FRMPD2: variants seen among roughly 807,000 people sequenced by gnomAD.
FRMPD2 encodes FERM and PDZ domain containing 2, also known as FERM and PDZ domain-containing protein 2.
Under a neutral mutation model 140.1 loss-of-function variants are expected in FRMPD2, and 96 were observed. The observed-to-expected ratio is 0.69, with a 90% CI of 0.58 to 0.81. FRMPD2 has a LOEUF of 0.81. Among genes scored for constraint, FRMPD2 ranks in the 40% least tolerant of loss-of-function variants. FRMPD2 has a pLI of 0.00. For synonymous variants in FRMPD2, 449 were observed against 547.6 expected, an observed-to-expected ratio of 0.82 and a Z score of 2.52; for missense variants, 1,240 against 1,447.4, an observed-to-expected ratio of 0.86 and a Z score of 2.32.
At chr10:48,206,717 G>A (rs184680354) in intron 14 of FRMPD2, 31 bp downstream of exon 14, 1 of 1,578,412 alleles carries the variant, frequency 6.3e-7, no homozygotes, top group Admixed American at 1.7e-5. Context: ...AAAATGAAGT[G>A]CAGGTTATTT....
intron 12 of FRMPD2, among the ~76,000 whole-genome samples, chr10:48,214,970 C>T (rs892455356): frequency 1.2e-4 from 18 of 152,178 alleles, no homozygotes; most frequent in African/African-American, 4.1e-4. Flanking sequence ...GTAAAAACCC[C>T]CGCATGTGAT....
chr10:48,168,585 T>C lies in FRMPD2; in HGVS notation c.3537+10A>G, dbSNP rs782602289. The C allele has an allele frequency of 2.9e-6, 3 of 1,042,932 alleles. 1 individual carries two copies. Among genetic ancestry groups the C allele is most frequent in the Non-Finnish European group, 4.2e-6 (3 of 721,648 alleles). The allele number at this position is 1,042,932 out of a possible 1,614,324, so 64.6% of individuals were successfully genotyped here. A position where few individuals can be genotyped will look rare whatever the true frequency, so the allele number is the denominator to read the frequency against. ...GCCAGGTAGAGAGAGTAGAAGACAC[T>C]GCAGCCTACCTGCCATTCCTGCTCC... On this transcript the variant is annotated intron_variant, in intron 27 of 28. Coordinates refer to ENST00000374201, the MANE Select transcript of FRMPD2 (RefSeq NM_001018071.4).
chr10:48,226,619 C>T (rs1270105102), intron 10 of FRMPD2, among the ~76,000 whole-genome samples: 1 of 152,208 alleles, frequency 6.6e-6, no homozygotes, highest in Non-Finnish European at 1.5e-5. Context: ...AGTCATCCTC[C>T]CTCTCCTGGA....
chr10:48,174,519 C>G (rs1409685802), intron 24 of FRMPD2, among the ~76,000 whole-genome samples: 1 of 151,934 alleles, frequency 6.6e-6, no homozygotes, highest in Non-Finnish European at 1.5e-5. Flanking sequence ...CCCATGGACA[C>G]AGGGCCAGCG....
intron 3 of FRMPD2, among the ~76,000 whole-genome samples, chr10:48,247,116 A>G (rs1159777339): frequency 1.3e-5 from 2 of 152,168 alleles, no homozygotes; most frequent in Non-Finnish European, 2.9e-5. Context: ...AACTCAACCT[A>G]TTAGTCTTGA....
intron 5 of FRMPD2, 44 bp from the exon 6 acceptor site, chr10:48,240,536 G>C: frequency 6.2e-7 from 1 of 1,609,450 alleles, no homozygotes. Flanking sequence ...AAGATAAGGA[G>C]GGGGCGTTTT....
chr10:48,183,358 C>A (rs183654677), intron 20 of FRMPD2, among the ~76,000 whole-genome samples: 190 of 152,288 alleles, frequency 1.2e-3, no homozygotes, highest in African/African-American at 4.5e-3. Context: ...GGATGTTAGC[C>A]TACTCCCATT....
intron 13 of FRMPD2, among the ~76,000 whole-genome samples, chr10:48,210,797 T>C (rs1355174757): frequency 6.6e-6 from 1 of 152,238 alleles, no homozygotes; most frequent in Non-Finnish European, 1.5e-5. Context: ...CCCAACCTCA[T>C]GTTGGCTGTT....
At chr10:48,171,617 T>A (rs1292491408) in intron 25 of FRMPD2, among the ~76,000 whole-genome samples, 4 of 152,282 alleles carry the variant, frequency 2.6e-5, no homozygotes, top group Non-Finnish European at 5.9e-5. Flanking sequence ...TATTTTTTAT[T>A]CTTCTTACGA....
At chr10:48,189,063 G>A (rs1248619396) in intron 16 of FRMPD2, among the ~76,000 whole-genome samples, 1 of 152,180 alleles carries the variant, frequency 6.6e-6, no homozygotes, top group Non-Finnish European at 1.5e-5. Context: ...CTGACAAGTG[G>A]TTAGGATGGT....
chr10:48,243,969 A>T (rs892960206), intron 4 of FRMPD2, among the ~76,000 whole-genome samples: 1 of 152,208 alleles, frequency 6.6e-6, no homozygotes, highest in Non-Finnish European at 1.5e-5. Context: ...GTAAAATATT[A>T]GGATATTTTT....
At chr10:48,205,136 G>A (rs779704448) in intron 14 of FRMPD2, among the ~76,000 whole-genome samples, 2 of 152,172 alleles carry the variant, frequency 1.3e-5, no homozygotes, top group Non-Finnish European at 2.9e-5. Context: ...CATTTTCTGC[G>A]TAAGATGCTT....
intron 1 of FRMPD2, among the ~76,000 whole-genome samples, chr10:48,264,347 C>T (rs538950507): frequency 7.2e-5 from 11 of 151,906 alleles, no homozygotes; most frequent in Admixed American, 4.6e-4. Context: ...ATCTCTGTTC[C>T]GAGATGATAT....
chr10:48,256,204 A>G (rs1840484293), intron 1 of FRMPD2, among the ~76,000 whole-genome samples: 1 of 152,168 alleles, frequency 6.6e-6, no homozygotes, highest in South Asian at 2.1e-4. Context: ...CAAAGCTCGC[A>G]TCTGCTCCCT....
At chr10:48,240,849 T>C (rs1429418064) in intron 5 of FRMPD2, among the ~76,000 whole-genome samples, 8 of 152,226 alleles carry the variant, frequency 5.3e-5, no homozygotes, top group Admixed American at 4.6e-4. Context: ...CCTTCCCTTA[T>C]CACTGCACTC....
intron 25 of FRMPD2, among the ~76,000 whole-genome samples, chr10:48,171,612 T>C (rs1245168134): frequency 3.3e-5 from 5 of 152,294 alleles, no homozygotes; most frequent in Admixed American, 3.3e-4. Context: ...CGAGATATTT[T>C]TTATTCTTCT....
In FRMPD2 at chr10:48,184,851, CCTGAATACT is replaced by C. The variant is rs765360461; in HGVS notation, c.2381_2389del (p.Glu794_Ser796del). 2.0e-5 allele frequency: 33 copies of C among 1,613,242 alleles called. No homozygotes were observed. Among genetic ancestry groups the C allele is most frequent in the Non-Finnish European group, 2.8e-5 (33 of 1,179,590 alleles). ...TATAAAAATGCCAGGGTCAGCTTGG[CCTGAATACT>C]CTCCCTCATTAATGACAAACCCTGT... On this transcript the variant is annotated inframe_deletion, in exon 19 of 29. Transcript: ENST00000374201.
chr10:48,212,387 A>G (rs1839348130), intron 12 of FRMPD2, among the ~76,000 whole-genome samples: 1 of 152,170 alleles, frequency 6.6e-6, no homozygotes. Context: ...TCTCACAGGA[A>G]TACTCTGAAG....
At chr10:48,212,330 C>T (rs544668312) in intron 12 of FRMPD2, among the ~76,000 whole-genome samples, 2 of 152,094 alleles carry the variant, frequency 1.3e-5, no homozygotes, top group South Asian at 4.1e-4. Context: ...GTTTTTGAGC[C>T]CCTTTTTATG....
Sources: gnomAD v4.1 joint callset for allele counts (sites outside exome capture counted in the v4.1 genomes callset) on GRCh38, gnomAD v4.1.1 for gene constraint, MANE v1.5 for transcripts, NCBI Gene and HGNC (gene_info 2026-07-23, HGNC 2026-07-21) for gene names.